Variants in TNR observed in about 807,000 individuals in gnomAD.
TNR encodes tenascin R.
In TNR, 45 loss-of-function variants were observed where a neutral mutation model predicts 150.4. The observed-to-expected ratio is 0.30, with a 90% CI of 0.24 to 0.38. The LOEUF is 0.38. TNR is among the 10% of genes least tolerant of loss of function. The probability of loss-of-function intolerance (pLI) is 1.00; values close to 1 mark genes in which losing one functional copy is unlikely to be tolerated. For missense variants in TNR, 1,544 were observed against 1,759.1 expected (o/e 0.88, Z 2.19); for synonymous variants, 687 against 678.4 (o/e 1.01, Z -0.20).
chr1:175,354,648 T>C, intron 17 of TNR, 125 bp from the exon 18 acceptor site: 1 of 1,245,914 alleles, frequency 8.0e-7, no homozygotes, highest in Non-Finnish European at 1.1e-6. Context: ...ATTGTCATCC[T>C]CTCCATCCCA....
chr1:175,565,343 G>C (rs1027503468), intron 1 of TNR, among the ~76,000 whole-genome samples: 1 of 152,142 alleles, frequency 6.6e-6, no homozygotes, highest in African/African-American at 2.4e-5. Flanking sequence ...ATCTACAAAC[G>C]AGGTCAGACA....
chr1:175,368,182 C>T (rs1330116974), intron 9 of TNR, among the ~76,000 whole-genome samples: 1 of 152,212 alleles, frequency 6.6e-6, no homozygotes, highest in Non-Finnish European at 1.5e-5. Flanking sequence ...TGACTTACAA[C>T]AACAAAAGTG....
intron 1 of TNR, among the ~76,000 whole-genome samples, chr1:175,624,891 G>A (rs778485591): frequency 6.6e-6 from 1 of 152,110 alleles, no homozygotes; most frequent in South Asian, 2.1e-4. Flanking sequence ...AGAGGATGGG[G>A]CCCCCTTCTT....
intron 1 of TNR, among the ~76,000 whole-genome samples, chr1:175,572,166 C>T (rs1376904651): frequency 6.6e-6 from 1 of 152,176 alleles, no homozygotes; most frequent in African/African-American, 2.4e-5. Flanking sequence ...AATGAGCTCA[C>T]ACCGAGGTCA....
chr1:175,663,825 A>T (rs1665452502), intron 1 of TNR, among the ~76,000 whole-genome samples: 1 of 152,228 alleles, frequency 6.6e-6, no homozygotes, highest in Non-Finnish European at 1.5e-5. Flanking sequence ...GGGGAACTGG[A>T]GAGTCCAAGG....
chr1:175,602,374 T>C (rs1352498885), intron 1 of TNR, among the ~76,000 whole-genome samples: 2 of 152,128 alleles, frequency 1.3e-5, no homozygotes, highest in Non-Finnish European at 2.9e-5. Context: ...TAGGCCTGAG[T>C]TGAGCTAAAA....
chr1:175,584,215 G>A (rs73050424), intron 1 of TNR, among the ~76,000 whole-genome samples: 3,959 of 152,216 alleles, frequency 0.026, 161 homozygotes, highest in African/African-American at 0.089. Flanking sequence ...AATGTGACTG[G>A]TGTCCTTATC....
chr1:175,539,381 G>T (rs1161434469), intron 1 of TNR, among the ~76,000 whole-genome samples: 1 of 152,204 alleles, frequency 6.6e-6, no homozygotes, highest in East Asian at 1.9e-4. Context: ...ACATGGTTTT[G>T]CATCAAAGAT....
chr1:175,533,469 C>T (rs138488637), intron 1 of TNR, among the ~76,000 whole-genome samples: 1 of 152,186 alleles, frequency 6.6e-6, no homozygotes, highest in Non-Finnish European at 1.5e-5. Flanking sequence ...CCCGACACCA[C>T]CCTGTTTTGT....
At chr1:175,703,836 T>C (rs1343237343) in intron 1 of TNR, among the ~76,000 whole-genome samples, 1 of 152,032 alleles carries the variant, frequency 6.6e-6, no homozygotes, top group Admixed American at 6.6e-5. Context: ...CGTATAGGGG[T>C]ATGGGCTCTG....
At chr1:175,592,905 T>C (rs1446033396) in intron 1 of TNR, among the ~76,000 whole-genome samples, 1 of 152,234 alleles carries the variant, frequency 6.6e-6, no homozygotes, top group African/African-American at 2.4e-5. Flanking sequence ...CAAGAAATTC[T>C]TCAAGGGCAA....
chr1:175,490,868 G>T (rs1219374729), intron 2 of TNR, among the ~76,000 whole-genome samples: 1 of 151,856 alleles, frequency 6.6e-6, no homozygotes, highest in African/African-American at 2.4e-5. Flanking sequence ...CTCATTACTG[G>T]GTATATACCC....
chr1:175,396,490 T>C lies in TNR; in HGVS notation c.1240+54A>G, dbSNP rs1653430651. On this transcript the variant is annotated intron_variant, in intron 5 of 22. Transcript: ENST00000367674. The stretch of plus-strand genomic sequence containing the variant: ...AAGACGCTACTATCATGAATGCCCA[T>C]GATCTCATGTAGGAGAAAAGAAAAA... The C allele has an allele frequency of 1.9e-6, 3 of 1,580,126 alleles. No homozygotes were observed. The South Asian group carries it at 3.5e-5, about 18-fold the overall frequency.
intron 1 of TNR, among the ~76,000 whole-genome samples, chr1:175,582,955 T>C (rs1481804089): frequency 1.3e-5 from 2 of 152,178 alleles, no homozygotes; most frequent in Admixed American, 6.5e-5. Context: ...TTCTACAATA[T>C]GATGGCATGC....
rs577119569 is a variant in TNR at position 175,533,299 on chromosome 1, T to C, written c.-164-4930A>G. On this transcript the variant is annotated intron_variant, in intron 1 of 22. Transcript: ENST00000367674. ...GCTAAGAGAATTTACTTAGGTAATA[T>C]ATGTAAAAGTCGCAGCTCAGTGTGC... 5.9e-4 allele frequency among the ~76,000 whole-genome samples: 90 copies of C among 152,298 alleles called. No individual in the cohort carries two copies. The South Asian group carries it at 0.018, about 31-fold the overall frequency.
chr1:175,469,291 C>T (rs1037621601), intron 2 of TNR, among the ~76,000 whole-genome samples: 1 of 152,110 alleles, frequency 6.6e-6, no homozygotes, highest in African/African-American at 2.4e-5. Context: ...AGGAGGCAGA[C>T]ATTCAAATGG....
Position 175,370,338 on chromosome 1 carries a change from C to CTTTTTTTTTTTTTTTTTTTTTTTTTTTTT in TNR, c.1964-3070_1964-3042dup, listed in dbSNP as rs55795922. 3.7e-4 allele frequency among the ~76,000 whole-genome samples: 16 copies of CTTTTTTTTTTTTTTTTTTTTTTTTTTTTT among 42,974 alleles called. 1 individual carries two copies. Among genetic ancestry groups the CTTTTTTTTTTTTTTTTTTTTTTTTTTTTT allele is most frequent in the African/African-American group, 8.5e-4 (10 of 11,804 alleles). The allele number at this position is 42,974 out of a possible 152,430, so 28.2% of individuals were successfully genotyped here. A position where few individuals can be genotyped will look rare whatever the true frequency, so the allele number is the denominator to read the frequency against. Reference sequence around the variant, plus strand: ...GAGAACTATTCCTGGATTTTGAGTACTTTTTTTTTTTTTTTTTTTTTTTTT... The same window carrying CTTTTTTTTTTTTTTTTTTTTTTTTTTTTT: ...GAGAACTATTCCTGGATTTTGAGTACTTTTTTTTTTTTTTTTTTTTTTTTTTTTTTTTTTTTTTTTTTTTTTTTTTTTTT... On this transcript the variant is annotated intron_variant, in intron 9 of 22. Transcript: ENST00000367674.
At chr1:175,420,386 C>A (rs1654698066) in intron 2 of TNR, among the ~76,000 whole-genome samples, 1 of 152,212 alleles carries the variant, frequency 6.6e-6, no homozygotes, top group Admixed American at 6.5e-5. Context: ...CAAGATACAG[C>A]ATTGGCAATA....
chr1:175,426,465 C>T (rs1654971554), intron 2 of TNR, among the ~76,000 whole-genome samples: 1 of 152,068 alleles, frequency 6.6e-6, no homozygotes. Flanking sequence ...GCCCTTCTCT[C>T]CTCCTTTAGT....
Sources: allele counts gnomAD v4.1 joint callset (sites outside exome capture counted in the v4.1 genomes callset), GRCh38; gene constraint gnomAD v4.1.1; transcripts MANE v1.5; gene names NCBI Gene and HGNC (gene_info 2026-07-23, HGNC 2026-07-21).